TRIM49: variants seen among roughly 807,000 people sequenced by gnomAD.
TRIM49 encodes the protein tripartite motif-containing protein 49.
Under a neutral mutation model 27.4 loss-of-function variants are expected in TRIM49, and 5 were observed. The observed-to-expected ratio is 0.18, with a 90% CI of 0.10 to 0.38. The LOEUF (loss-of-function observed/expected upper bound fraction) is 0.38, where lower values mean the gene tolerates loss of function less well. TRIM49 is among the 10% of genes least tolerant of loss of function. The probability of loss-of-function intolerance (pLI) is 1.00; values close to 1 mark genes in which losing one functional copy is unlikely to be tolerated. For missense variants in TRIM49, 188 were observed against 487.5 expected (o/e 0.39, Z 5.79); for synonymous variants, 69 against 166.0 (o/e 0.42, Z 4.49).
At chr11:89,790,681 T>G in the TRIM49 span, among the ~76,000 whole-genome samples, 1 of 151,980 alleles carries the variant, frequency 6.6e-6, no homozygotes, top group African/African-American at 2.4e-5. Context: ...GACCTGCAGC[T>G]GAGGGTCCTG....
At chr11:89,768,233 G>C in the TRIM49 span, 2 of 1,485,586 alleles carry the variant, frequency 1.3e-6, no homozygotes, top group East Asian at 2.5e-5. Flanking sequence ...GATGGGCCCT[G>C]TAGGGAACTC....
downstream of TRIM49, among the ~76,000 whole-genome samples, chr11:89,793,855 A>C (rs523866): frequency 1.6e-3 from 249 of 152,046 alleles, 1 homozygote; most frequent in African/African-American, 3.9e-3. Flanking sequence ...TCTCACCTCT[A>C]CTATCCAACA....
At chr11:89,776,841 T>C in the TRIM49 span, 41 of 694,998 alleles carry the variant, frequency 5.9e-5, no homozygotes, top group Non-Finnish European at 7.7e-5. Context: ...CAGTTTGTAC[T>C]GGAGCTAACT....
downstream of TRIM49, among the ~76,000 whole-genome samples, chr11:89,793,393 A>C (rs1949668231): frequency 6.6e-6 from 1 of 152,184 alleles, no homozygotes; most frequent in Non-Finnish European, 1.5e-5. Context: ...TGAGGCCAGC[A>C]TCATCCTGAT....
chr11:89,796,959 A>C (rs1279237223), downstream of TRIM49, among the ~76,000 whole-genome samples: 1 of 150,718 alleles, frequency 6.6e-6, no homozygotes, highest in African/African-American at 2.4e-5. Flanking sequence ...AAATGCTAAT[A>C]GTCAGTTTCC....
the TRIM49 span, among the ~76,000 whole-genome samples, chr11:89,784,990 T>C: frequency 6.7e-6 from 1 of 150,058 alleles, no homozygotes; most frequent in Admixed American, 6.6e-5. Flanking sequence ...TTACTTACAA[T>C]TGAAATAAAT....
At chr11:89,774,263 G>T in the TRIM49 span, among the ~76,000 whole-genome samples, 2 of 151,086 alleles carry the variant, frequency 1.3e-5, no homozygotes, top group Non-Finnish European at 2.9e-5. Flanking sequence ...GCCTCCCACA[G>T]TGCTGGGATT....
chr11:89,778,387 C>T, the TRIM49 span, among the ~76,000 whole-genome samples: 1 of 148,138 alleles, frequency 6.8e-6, no homozygotes, highest in African/African-American at 2.5e-5. Flanking sequence ...TGGTGTATGG[C>T]TAAATGTTTT....
the TRIM49 span, chr11:89,787,665 TC>T: frequency 9.6e-7 from 1 of 1,045,348 alleles, no homozygotes; most frequent in Non-Finnish European, 1.4e-6. Context: ...GCGCCCACCT[TC>T]CAGCCCAAGA....
Position 89,798,466 on chromosome 11 carries a change from A to G in TRIM49, c.1023T>C (p.Tyr341=). 4 of 1,593,842 alleles carry G rather than the reference A, an allele frequency of 2.5e-6. No individual in the cohort carries two copies. The highest frequency in any genetic ancestry group is 3.4e-6 in the Non-Finnish European group (4 of 1,173,248). The part of the protein sequence containing the change: ...WGVQTFTSGK[Y]YWEVHVGDSW... Reference sequence around the variant, plus strand: ...AGTCCCCTACATGGACCTCCCAGTAATATTTGCCCGAGGTGAAAGTCTGAA... The same window carrying G: ...AGTCCCCTACATGGACCTCCCAGTAGTATTTGCCCGAGGTGAAAGTCTGAA... Residue 341 remains tyrosine (Y), a synonymous_variant, in exon 8 of 8, where the codon TAT becomes TAC. Coordinates refer to ENST00000329758, the MANE Select transcript of TRIM49 (RefSeq NM_020358.2).
chr11:89,777,019 C>T, the TRIM49 span: 3 of 1,547,122 alleles, frequency 1.9e-6, no homozygotes, highest in Non-Finnish European at 2.6e-6. Flanking sequence ...AGAATGAGCT[C>T]ATTTGCTGCA....
At chr11:89,802,431 A>G (rs1332582564) in intron 4 of TRIM49, among the ~76,000 whole-genome samples, 14 of 150,176 alleles carry the variant, frequency 9.3e-5, no homozygotes, top group Non-Finnish European at 1.8e-4. Context: ...CCCTGAATTC[A>G]TTTCCTTCTA....
the TRIM49 span, among the ~76,000 whole-genome samples, chr11:89,767,489 T>G: frequency 3.9e-5 from 5 of 126,698 alleles, no homozygotes; most frequent in African/African-American, 8.4e-5. Flanking sequence ...TTTCCAGAAA[T>G]ATTATAATCT....
chr11:89,795,638 C>T (rs1306571852), downstream of TRIM49, among the ~76,000 whole-genome samples: 24 of 124,960 alleles, frequency 1.9e-4, no homozygotes, highest in African/African-American at 5.9e-4. Flanking sequence ...ATCACAAGGA[C>T]GAAAAAACGA....
rs511376 is a variant in TRIM49, at chr11:89,804,651, C to G, written c.-4-178G>C. 1.2e-4 allele frequency among the ~76,000 whole-genome samples: 17 copies of G among 146,674 alleles called. No homozygotes were observed. The East Asian group carries it at 3.5e-3, about 30-fold the overall frequency. The stretch of plus-strand genomic sequence containing the variant: ...CACTTAGAGGGAGTCTCCTGGCTTT[C>G]TAACAGATATTACTAACCAGAGGAC... On this transcript the variant is annotated intron_variant, in intron 2 of 7. Coordinates refer to ENST00000329758, the MANE Select transcript of TRIM49 (RefSeq NM_020358.2).
At chr11:89,771,207 T>C in the TRIM49 span, among the ~76,000 whole-genome samples, 1 of 73,716 alleles carries the variant, frequency 1.4e-5, no homozygotes, top group Non-Finnish European at 2.7e-5. Flanking sequence ...GCACAAGTGA[T>C]CCTCCTACTT....
chr11:89,805,533 G>T (rs1193712441), intron 2 of TRIM49, among the ~76,000 whole-genome samples: 1 of 151,814 alleles, frequency 6.6e-6, no homozygotes, highest in Non-Finnish European at 1.5e-5. Context: ...GAACCTTTCA[G>T]ACTTGAGCTT....
chr11:89,770,861 G>C, the TRIM49 span, among the ~76,000 whole-genome samples: 2 of 138,810 alleles, frequency 1.4e-5, 1 homozygote, highest in African/African-American at 5.8e-5. Context: ...GCGAGACTCT[G>C]TCTCAAAAAC....
At chr11:89,795,833 T>A (rs1949684044), downstream of TRIM49, among the ~76,000 whole-genome samples, 1 of 151,652 alleles carries the variant, frequency 6.6e-6, no homozygotes. Flanking sequence ...CATGTATACA[T>A]ATGTAACAAA....
Sources: gnomAD v4.1 joint callset for allele counts (sites outside exome capture counted in the v4.1 genomes callset) on GRCh38, gnomAD v4.1.1 for gene constraint, MANE v1.5 for transcripts, NCBI Gene and HGNC (gene_info 2026-07-23, HGNC 2026-07-21) for gene names.